GPHN: variants seen among roughly 807,000 people sequenced by gnomAD.
GPHN encodes the protein gephyrin.
A neutral mutation model predicts 95.5 loss-of-function variants in GPHN; 17 were observed. The observed-to-expected ratio is 0.18, with a 90% CI of 0.12 to 0.27. GPHN has a LOEUF of 0.27. Ranked by LOEUF, GPHN falls within the 10% of genes least tolerant of loss-of-function variation. The probability of loss-of-function intolerance (pLI) is 1.00; values close to 1 mark genes in which losing one functional copy is unlikely to be tolerated. For synonymous variants in GPHN, 320 were observed against 322.5 expected (o/e 0.99, Z 0.08); for missense variants, 660 against 978.1 (o/e 0.67, Z 4.34).
intron 1 of GPHN, among the ~76,000 whole-genome samples, chr14:66,561,449 A>T (rs2060238321): frequency 6.6e-6 from 1 of 152,022 alleles, no homozygotes; most frequent in South Asian, 2.1e-4. Context: ...ATTCTGTCGA[A>T]TCCTGAGGTT....
At chr14:66,536,434 T>C (rs2059148864) in intron 1 of GPHN, among the ~76,000 whole-genome samples, 1 of 151,596 alleles carries the variant, frequency 6.6e-6, no homozygotes, top group Non-Finnish European at 1.5e-5. Context: ...TATTGTCCCT[T>C]TTATGTACCA....
At chr14:66,643,366 C>T (rs1213920359) in intron 1 of GPHN, among the ~76,000 whole-genome samples, 1 of 151,990 alleles carries the variant, frequency 6.6e-6, no homozygotes, top group Non-Finnish European at 1.5e-5. Flanking sequence ...ATCTATTACC[C>T]AGGAATTTTA....
At chr14:67,690,052 C>G in the GPHN span, 1 of 621,902 alleles carries the variant, frequency 1.6e-6, no homozygotes, top group Non-Finnish European at 2.8e-6. Context: ...CCAGCCACCT[C>G]CAATATTCAG....
intron 9 of GPHN, among the ~76,000 whole-genome samples, chr14:66,971,132 C>T (rs1446962609): frequency 6.6e-6 from 1 of 152,138 alleles, no homozygotes; most frequent in Non-Finnish European, 1.5e-5. Flanking sequence ...AGTTCAAGAC[C>T]AGCCTGACCA....
the GPHN span, among the ~76,000 whole-genome samples, chr14:67,704,922 C>G: frequency 6.6e-6 from 1 of 152,196 alleles, no homozygotes; most frequent in Non-Finnish European, 1.5e-5. Flanking sequence ...GCAGGGGCAT[C>G]TAAGTCCAGG....
chr14:66,731,058 G>A lies in GPHN; in HGVS notation c.144-45406G>A, dbSNP rs576278258. Among the ~76,000 whole-genome samples, 7 of 152,176 alleles carry A rather than the reference G, an allele frequency of 4.6e-5. No homozygotes were observed. In the South Asian group the frequency reaches 6.2e-4, roughly 14 times the overall value. ...TCTTGCTGGCTCTCTCTTGCCTACC[G>A]CCATGTAAGACATGCCAGCTTCCCC... On this transcript the variant is annotated intron_variant, in intron 2 of 22. Transcript: ENST00000478722.
chr14:67,088,212 A>G (rs1435372631), intron 11 of GPHN, among the ~76,000 whole-genome samples: 1 of 152,154 alleles, frequency 6.6e-6, no homozygotes, highest in Admixed American at 6.6e-5. Flanking sequence ...TTAAAAAATG[A>G]TGCATTCATT....
At chr14:66,617,234 G>A (rs1044356415) in intron 1 of GPHN, among the ~76,000 whole-genome samples, 1 of 152,206 alleles carries the variant, frequency 6.6e-6, no homozygotes, top group Non-Finnish European at 1.5e-5. Context: ...TGTAGCTGTG[G>A]TGCTGGTTGC....
chr14:67,102,962 A>G (rs1329061983), intron 13 of GPHN, among the ~76,000 whole-genome samples: 1 of 152,228 alleles, frequency 6.6e-6, no homozygotes, highest in Non-Finnish European at 1.5e-5. Context: ...TTTCATTACC[A>G]TGACCATTTT....
At chr14:67,526,886 T>A in the GPHN span, among the ~76,000 whole-genome samples, 3 of 152,086 alleles carry the variant, frequency 2.0e-5, no homozygotes, top group African/African-American at 7.2e-5. Flanking sequence ...CAAAGAGAGC[T>A]TCCAGTAGGG....
At chr14:67,090,756 G>A (rs901497902) in intron 12 of GPHN, among the ~76,000 whole-genome samples, 4 of 152,106 alleles carry the variant, frequency 2.6e-5, no homozygotes, top group Middle Eastern at 3.4e-3. Flanking sequence ...TACAGGCATT[G>A]AGCAAAGCTC....
At chr14:66,986,442 C>T (rs1321778903) in intron 9 of GPHN, among the ~76,000 whole-genome samples, 1 of 152,030 alleles carries the variant, frequency 6.6e-6, no homozygotes, top group East Asian at 1.9e-4. Context: ...CTAATTTGAT[C>T]ATCTTGTTTG....
chr14:67,310,847 A>C, the GPHN span, among the ~76,000 whole-genome samples: 1 of 152,120 alleles, frequency 6.6e-6, no homozygotes, highest in Non-Finnish European at 1.5e-5. Context: ...CTATCTATCT[A>C]TGTCTATCTT....
At chr14:67,030,362 A>G (rs955748572) in intron 10 of GPHN, among the ~76,000 whole-genome samples, 4 of 152,178 alleles carry the variant, frequency 2.6e-5, no homozygotes, top group African/African-American at 9.7e-5. Flanking sequence ...ATCATTCTAA[A>G]ATACAAATCT....
chr14:67,058,623 T>A lies in GPHN; in HGVS notation c.1007-26T>A, dbSNP rs906815550. The A allele has an allele frequency of 1.9e-6, 3 of 1,602,004 alleles. No homozygotes were observed. The African/African-American group carries it at 4.0e-5, about 21-fold the overall frequency. ...TTTAATCAGTGTTACAGCATCATATTCTTAGTTAATTATCTTACTGTTTAG... is the reference window on the plus strand; with the variant it reads ...TTTAATCAGTGTTACAGCATCATATACTTAGTTAATTATCTTACTGTTTAG... On this transcript the variant is annotated intron_variant, in intron 10 of 22. Coordinates refer to ENST00000478722, the MANE Select transcript of GPHN (RefSeq NM_020806.5).
intron 3 of GPHN, among the ~76,000 whole-genome samples, chr14:66,791,736 GCTT>G (rs1238461403): frequency 6.6e-6 from 1 of 152,206 alleles, no homozygotes; most frequent in Non-Finnish European, 1.5e-5. Context: ...ATTTTGGCTG[GCTT>G]CTTTACCACA....
At chr14:66,650,119 A>G (rs2064969306) in intron 1 of GPHN, among the ~76,000 whole-genome samples, 1 of 152,110 alleles carries the variant, frequency 6.6e-6, no homozygotes. Flanking sequence ...TGCATTTAAA[A>G]GAAAATACCG....
At chr14:66,791,143 C>T (rs1473282436) in intron 3 of GPHN, among the ~76,000 whole-genome samples, 12 of 152,214 alleles carry the variant, frequency 7.9e-5, no homozygotes, top group Admixed American at 1.3e-4. Context: ...TTAAGAGAGA[C>T]TCTAACTTTC....
At chr14:67,258,084 G>A in the GPHN span, among the ~76,000 whole-genome samples, 1 of 151,704 alleles carries the variant, frequency 6.6e-6, no homozygotes, top group Non-Finnish European at 1.5e-5. Context: ...GTCTTATCTA[G>A]TATTTAAATA....
Sources: gnomAD v4.1 joint callset for allele counts (sites outside exome capture counted in the v4.1 genomes callset) on GRCh38, gnomAD v4.1.1 for gene constraint, MANE v1.5 for transcripts, NCBI Gene and HGNC (gene_info 2026-07-23, HGNC 2026-07-21) for gene names.